HERC2: variants seen among roughly 807,000 people sequenced by gnomAD.
HERC2 encodes HECT and RLD domain containing E3 ubiquitin protein ligase 2.
Under a neutral mutation model 537.7 loss-of-function variants are expected in HERC2, and 102 were observed. The observed-to-expected ratio is 0.19, with a 90% CI of 0.16 to 0.22. HERC2 has a LOEUF of 0.22. Among genes scored for constraint, HERC2 ranks in the 10% least tolerant of loss-of-function variants. The pLI is 1.00. For synonymous variants in HERC2, 2,224 were observed against 2,466.2 expected (o/e 0.90, Z 2.91); for missense variants, 4,236 against 6,198.2 (o/e 0.68, Z 10.63).
intron 52 of HERC2, among the ~76,000 whole-genome samples, chr15:28,193,170 T>A (rs1897011975): frequency 3.3e-5 from 5 of 152,050 alleles, no homozygotes; most frequent in Admixed American, 3.3e-4. Context: ...GACTAAAAAT[T>A]ACCAGAAATG....
At chr15:28,168,281 T>A in intron 67 of HERC2, 126 bp downstream of exon 67, 1 of 914,230 alleles carries the variant, frequency 1.1e-6, no homozygotes, top group Non-Finnish European at 1.7e-6. Flanking sequence ...TTCTTCTAAG[T>A]AAAGCCAAAA....
intron 52 of HERC2, among the ~76,000 whole-genome samples, chr15:28,194,730 A>G (rs1348734952): frequency 6.6e-6 from 1 of 152,204 alleles, no homozygotes; most frequent in Non-Finnish European, 1.5e-5. Flanking sequence ...AATGTCTTCT[A>G]TAGTTCTGTT....
chr15:28,236,254 C>T (rs1179963647), intron 26 of HERC2, among the ~76,000 whole-genome samples: 1 of 151,998 alleles, frequency 6.6e-6, no homozygotes, highest in Non-Finnish European at 1.5e-5. Flanking sequence ...TCTCACTATC[C>T]TTATTATTAT....
chr15:28,315,358 AGCGG>A (rs2077053148), intron 2 of HERC2, among the ~76,000 whole-genome samples: 1 of 152,272 alleles, frequency 6.6e-6, no homozygotes, highest in Non-Finnish European at 1.5e-5. Flanking sequence ...GTGACATCAC[AGCGG>A]AGACTGGAGC....
chr15:28,303,941 G>C (rs367570065), intron 2 of HERC2, among the ~76,000 whole-genome samples: 1 of 152,080 alleles, frequency 6.6e-6, no homozygotes, highest in African/African-American at 2.4e-5. Flanking sequence ...CAAGGCAGGC[G>C]GATCACCTGA....
intron 81 of HERC2, 60 bp from the exon 82 acceptor site, chr15:28,130,654 A>C: frequency 8.8e-7 from 1 of 1,137,084 alleles, no homozygotes; most frequent in East Asian, 2.3e-5. Flanking sequence ...GACTGCTATA[A>C]CCACACTGAG....
chr15:28,279,533 G>T (rs962407899), intron 5 of HERC2, among the ~76,000 whole-genome samples: 3 of 151,806 alleles, frequency 2.0e-5, no homozygotes, highest in Non-Finnish European at 4.4e-5. Context: ...AGAGCCAGGC[G>T]CAGTGTCTCA....
intron 2 of HERC2, among the ~76,000 whole-genome samples, chr15:28,310,772 A>G (rs1433647023): frequency 3.3e-5 from 5 of 152,116 alleles, no homozygotes; most frequent in African/African-American, 1.2e-4. Context: ...AGAAACAGAG[A>G]AGGTGAACTA....
intron 44 of HERC2, among the ~76,000 whole-genome samples, chr15:28,210,475 A>G (rs1899069969): frequency 6.6e-6 from 1 of 152,190 alleles, no homozygotes; most frequent in Admixed American, 6.5e-5. Context: ...CGTGTGATAA[A>G]GTCCCACGGA....
At chr15:28,299,214 A>T (rs993789261) in intron 3 of HERC2, among the ~76,000 whole-genome samples, 188 bp downstream of exon 3, 1 of 152,102 alleles carries the variant, frequency 6.6e-6, no homozygotes, top group African/African-American at 2.4e-5. Flanking sequence ...CCTTCAATTA[A>T]CGTAAAACAA....
intron 65 of HERC2, among the ~76,000 whole-genome samples, chr15:28,174,194 A>T (rs1895002469): frequency 6.6e-6 from 1 of 152,056 alleles, no homozygotes; most frequent in Non-Finnish European, 1.5e-5. Flanking sequence ...TACAAGAATC[A>T]GCAACATACT....
At chr15:28,190,853 A>G (rs1596174158) in intron 55 of HERC2, 112 bp downstream of exon 55, 1 of 720,246 alleles carries the variant, frequency 1.4e-6, no homozygotes, top group Non-Finnish European at 2.5e-6. Flanking sequence ...AACAGAAAGA[A>G]CCAATTATTT....
At chr15:28,283,032 CAAAAAAAAAAAA>C (rs35092122) in intron 4 of HERC2, among the ~76,000 whole-genome samples, 8 of 47,430 alleles carry the variant, frequency 1.7e-4, no homozygotes, top group Admixed American at 7.1e-4. Context: ...AATGTCCCAG[CAAAAAAAAAAAA>C]AAAAAAAAAA....
intron 72 of HERC2, 105 bp downstream of exon 72, chr15:28,144,568 G>A (rs1596042736): frequency 6.7e-7 from 1 of 1,484,394 alleles, no homozygotes; most frequent in Non-Finnish European, 9.3e-7. Flanking sequence ...CACAGCAGAA[G>A]GCAGGCTGTC....
At chr15:28,188,980 C>T (rs1462853850) in intron 55 of HERC2, among the ~76,000 whole-genome samples, 2 of 152,028 alleles carry the variant, frequency 1.3e-5, no homozygotes, top group Non-Finnish European at 2.9e-5. Context: ...CCCAGCTACT[C>T]GGAAGGCTGC....
intron 68 of HERC2, among the ~76,000 whole-genome samples, chr15:28,167,164 G>A (rs1227754387): frequency 1.3e-5 from 2 of 152,204 alleles, no homozygotes; most frequent in African/African-American, 2.4e-5. Context: ...CTCCCCATGA[G>A]TACTTAACAC....
At chr15:28,254,197 C>A (rs2075178311) in intron 20 of HERC2, 143 bp downstream of exon 20, 8 of 577,378 alleles carry the variant, frequency 1.4e-5, no homozygotes, top group Non-Finnish European at 2.1e-5. Context: ...GCAAGAGAAT[C>A]ACTTGAACCT....
intron 55 of HERC2, among the ~76,000 whole-genome samples, chr15:28,188,033 G>A (rs752784852): frequency 2.2e-4 from 33 of 152,026 alleles, no homozygotes; most frequent in Admixed American, 1.8e-3. Context: ...AATACAGCTT[G>A]ACCACCACCA....
At chr15:28,132,553 G>C in intron 80 of HERC2, 100 bp downstream of exon 80, 1 of 1,176,770 alleles carries the variant, frequency 8.5e-7, no homozygotes. Flanking sequence ...CCTTCTAGAA[G>C]CCAAAGCATT....
Sources: allele counts gnomAD v4.1 joint callset (sites outside exome capture counted in the v4.1 genomes callset), GRCh38; gene constraint gnomAD v4.1.1; transcripts MANE v1.5; gene names NCBI Gene and HGNC (gene_info 2026-07-23, HGNC 2026-07-21).